Variants in GOLIM4 observed in about 807,000 individuals in gnomAD.
GOLIM4 encodes golgi integral membrane protein 4, also known as 130 kDa golgi-localized phosphoprotein.
Under a neutral mutation model 107.4 loss-of-function variants are expected in GOLIM4, and 71 were observed. The observed-to-expected ratio is 0.66, with a 90% confidence interval of 0.55 to 0.81. GOLIM4 has a LOEUF of 0.81. Ranked by LOEUF, GOLIM4 falls within the 30% of genes least tolerant of loss-of-function variation. The pLI, the probability that GOLIM4 is intolerant of heterozygous loss-of-function variation, is 0.00. For synonymous variants in GOLIM4, 327 were observed against 294.8 expected (o/e 1.11, Z -1.12); for missense variants, 830 against 826.1 (o/e 1.00, Z -0.06).
chr3:168,075,129 G>A (rs1304379972), intron 1 of GOLIM4, among the ~76,000 whole-genome samples: 3 of 150,746 alleles, frequency 2.0e-5, no homozygotes, highest in African/African-American at 4.9e-5. Context: ...AACCAGTGAA[G>A]TTAAAAAAAA....
At chr3:168,068,771 C>T (rs540957630) in intron 1 of GOLIM4, among the ~76,000 whole-genome samples, 7 of 151,856 alleles carry the variant, frequency 4.6e-5, no homozygotes, top group African/African-American at 1.7e-4. Context: ...ATTCCTTTGT[C>T]AATTGTGAAT....
In GOLIM4 at chr3:168,032,674, T is replaced by C. The variant is rs1366041334; in HGVS notation, c.1022A>G (p.Lys341Arg). Residue 341 changes from lysine (K) to arginine (R), a missense_variant, in exon 9 of 16, where the codon AAG becomes AGG. Physicochemically the swap from Lys to Arg is conservative, Grantham distance 26. Transcript: ENST00000470487. ...EEHQVEEEHR[K>R]ALEEEEMEQV... The stretch of plus-strand genomic sequence containing the variant: ...CTCCATTTCTTCCTCCTCCAGGGCC[T>C]TTCTGTGCTCCTCTTCCACCTGATG... 2 of 1,614,092 alleles carry C rather than the reference T, an allele frequency of 1.2e-6. No homozygotes were observed. The highest frequency in any genetic ancestry group is 1.3e-5 in the African/African-American group (1 of 74,996).
chr3:168,032,311 T>C (rs1280031747), intron 9 of GOLIM4, among the ~76,000 whole-genome samples: 1 of 152,238 alleles, frequency 6.6e-6, no homozygotes, highest in Non-Finnish European at 1.5e-5. Context: ...ATACAACAGC[T>C]GTGCTCTCTC....
intron 14 of GOLIM4, among the ~76,000 whole-genome samples, chr3:168,011,089 G>A (rs1716986791): frequency 1.3e-5 from 2 of 152,188 alleles, no homozygotes; most frequent in African/African-American, 4.8e-5. Flanking sequence ...CCCAGTGTGA[G>A]CGACGCAGAA....
At chr3:168,015,445 C>G (rs1577500713) in intron 14 of GOLIM4, among the ~76,000 whole-genome samples, 1 of 121,994 alleles carries the variant, frequency 8.2e-6, no homozygotes, top group Non-Finnish European at 1.7e-5. Context: ...GAATCAATAT[C>G]ATGAAAATGG....
chr3:168,073,370 T>G (rs141582353), intron 1 of GOLIM4, among the ~76,000 whole-genome samples: 1 of 152,358 alleles, frequency 6.6e-6, no homozygotes, highest in Non-Finnish European at 1.5e-5. Context: ...TAGTAAACTC[T>G]TTTAGAATAC....
intron 14 of GOLIM4, among the ~76,000 whole-genome samples, chr3:168,012,762 A>C (rs911260895): frequency 2.6e-5 from 4 of 152,110 alleles, no homozygotes; most frequent in African/African-American, 7.3e-5. Flanking sequence ...AAAATTTTCA[A>C]CCCAGAATTT....
intron 4 of GOLIM4, 103 bp downstream of exon 4, chr3:168,044,725 C>A (rs371633341): frequency 4.4e-6 from 3 of 685,492 alleles, no homozygotes; most frequent in African/African-American, 1.9e-5. Flanking sequence ...CAATACAAAT[C>A]AACTTCTGTA....
rs1029352098 is a variant in GOLIM4, at chr3:168,018,707, T to C, written c.1860+5819A>G. On this transcript the variant is annotated intron_variant, in intron 14 of 15. Transcript: ENST00000470487. ...CAGGCCTATCTTAAGGTCTGACTAA[T>C]TGAAACGTCATTAAATTGCTGAAGT... Among the ~76,000 whole-genome samples, 7 of 152,198 alleles carry C rather than the reference T, an allele frequency of 4.6e-5. No homozygotes were observed. In the South Asian group the frequency reaches 6.2e-4, roughly 14 times the overall value.
chr3:168,065,892 T>A (rs1000498152), intron 1 of GOLIM4, among the ~76,000 whole-genome samples: 1 of 152,236 alleles, frequency 6.6e-6, no homozygotes, highest in African/African-American at 2.4e-5. Flanking sequence ...TATTTCATCA[T>A]TAGTAAAATA....
At chr3:168,022,205 T>C (rs1717733864) in intron 14 of GOLIM4, among the ~76,000 whole-genome samples, 1 of 152,004 alleles carries the variant, frequency 6.6e-6, no homozygotes, top group Admixed American at 6.6e-5. Flanking sequence ...AGGCAATTCT[T>C]CCCCAGGAGG....
intron 1 of GOLIM4, among the ~76,000 whole-genome samples, chr3:168,059,399 C>T (rs1263451440): frequency 1.3e-5 from 2 of 152,292 alleles, no homozygotes; most frequent in East Asian, 3.9e-4. Flanking sequence ...TCAAGTTCTA[C>T]TTCAAAATTA....
At position 168,043,449 on chromosome 3, in the gene GOLIM4, T is replaced by C. The variant is rs746700942; in HGVS notation, c.447A>G (p.Thr149=). Residue 149 remains threonine, a synonymous_variant, in exon 5 of 16, where the codon ACA becomes ACG. Transcript: ENST00000470487. ...AGTATTTTTGCTTATGGTCATTAAA[T>C]GTTCTACTGAAGTCTTCCCCTTGTT... The part of the protein sequence containing the change: ...HRKQGEDFSR[T]FNDHKQKYLQ... 1 of 1,613,176 alleles carries C rather than the reference T, an allele frequency of 6.2e-7. No individual in the cohort carries two copies. The highest frequency in any genetic ancestry group is 1.7e-5 in the Admixed American group (1 of 59,964).
chr3:168,036,718 C>G (rs1367036963), intron 8 of GOLIM4, 118 bp downstream of exon 8: 4 of 738,052 alleles, frequency 5.4e-6, no homozygotes, highest in Non-Finnish European at 8.9e-6. Context: ...TTCTGATATA[C>G]TAAAATTTGA....
intron 1 of GOLIM4, 64 bp from the exon 2 acceptor site, chr3:168,048,429 A>G: frequency 2.6e-6 from 2 of 758,378 alleles, no homozygotes; most frequent in Non-Finnish European, 2.2e-6. Flanking sequence ...AATTAACATC[A>G]ATTTTTAAAA....
Position 168,095,338 on chromosome 3 carries a change from T to G in GOLIM4, c.-53A>C. On this transcript the variant is annotated 5_prime_UTR_variant, in exon 1 of 16. Coordinates refer to ENST00000470487, the MANE Select transcript of GOLIM4 (RefSeq NM_014498.5). ...CGCCCCCGCCGTCTCCTCCCCTTGGTCCGAGCGAGCGTCTCAGCAGCGGCC... is the reference window on the plus strand; with the variant it reads ...CGCCCCCGCCGTCTCCTCCCCTTGGGCCGAGCGAGCGTCTCAGCAGCGGCC... 6.5e-7 allele frequency: 1 copy of G among 1,534,452 alleles called. No homozygotes were observed. Among genetic ancestry groups the G allele is most frequent in the Non-Finnish European group, 8.9e-7 (1 of 1,122,490 alleles).
At chr3:168,066,394 A>G (rs780602824) in intron 1 of GOLIM4, among the ~76,000 whole-genome samples, 4 of 152,200 alleles carry the variant, frequency 2.6e-5, no homozygotes, top group East Asian at 1.9e-4. Flanking sequence ...GAATAAAACT[A>G]TAACTATCCT....
intron 9 of GOLIM4, among the ~76,000 whole-genome samples, chr3:168,030,510 CAAAA>C (rs11411251): frequency 1.9e-4 from 19 of 102,412 alleles, no homozygotes; most frequent in Non-Finnish European, 3.1e-4. Flanking sequence ...TAAGCATAGC[CAAAA>C]AAAAAAAAAA....
At chr3:168,074,852 T>C (rs1217827021) in intron 1 of GOLIM4, among the ~76,000 whole-genome samples, 7 of 152,202 alleles carry the variant, frequency 4.6e-5, no homozygotes, top group African/African-American at 1.2e-4. Context: ...GCCCACATCA[T>C]GCCAATAGGT....
Sources: gnomAD v4.1 joint callset for allele counts (sites outside exome capture counted in the v4.1 genomes callset) on GRCh38, gnomAD v4.1.1 for gene constraint, MANE v1.5 for transcripts, NCBI Gene and HGNC (gene_info 2026-07-23, HGNC 2026-07-21) for gene names.